Variants in SLC25A17 observed in about 807,000 individuals in gnomAD.
The protein encoded by SLC25A17 is peroxisomal membrane protein PMP34.
SLC25A17 carries 26 observed loss-of-function variants against 38.5 expected under a neutral mutation model. The ratio of observed to expected loss-of-function variants is 0.68; its 90% CI spans 0.50 to 0.94. SLC25A17 has a LOEUF of 0.94. Among genes scored for constraint, SLC25A17 ranks in the 40% least tolerant of loss-of-function variants. The pLI, the probability that SLC25A17 is intolerant of heterozygous loss-of-function variation, is 0.00. For synonymous variants in SLC25A17, 139 were observed against 136.2 expected (o/e 1.02, Z -0.14); for missense variants, 333 against 372.7 (o/e 0.89, Z 0.88).
chr22:40,792,614 T>TA lies in SLC25A17; in HGVS notation c.244dup (p.Tyr82LeufsTer6). On this transcript the variant is annotated frameshift_variant, in exon 4 of 9. Coordinates refer to ENST00000435456, the MANE Select transcript of SLC25A17 (RefSeq NM_006358.4). LOFTEE classifies it high-confidence loss of function. ...TTTGAGGCTATTAAAAGTGTAGAAA[T>TA]AGACAAAATTGGAGCAGCAGAGACT... The TA allele has an allele frequency of 6.2e-7, 1 of 1,614,004 alleles. No homozygotes were observed. The highest frequency in any genetic ancestry group is 8.5e-7 in the Non-Finnish European group (1 of 1,179,968).
rs1345297175 is a variant in SLC25A17, at chr22:40,789,071, GA to G, written c.334+3453del. ...CATCCTATGCTCACCACCATCTTCT[GA>G]CCATCTCTACTTCCAGCACTGGCCC... On this transcript the variant is annotated intron_variant, in intron 4 of 8. Transcript: ENST00000435456. This position sits in a 1 kb window ranked among gnomAD's most constrained non-coding sequence, Gnocchi z 4.5. The G allele has an allele frequency of 7.1e-6, 2 of 280,630 alleles. No homozygotes were observed. The highest frequency in any genetic ancestry group is 1.5e-5 in the Non-Finnish European group (2 of 136,990). 17.4% of individuals were successfully genotyped at this position (280,630 alleles called of 1,614,324 possible). A position where few individuals can be genotyped will look rare whatever the true frequency, so the allele number is the denominator to read the frequency against.
At chr22:40,776,424 G>C in intron 7 of SLC25A17, 1 of 336,142 alleles carries the variant, frequency 3.0e-6, no homozygotes, top group South Asian at 2.5e-5. Flanking sequence ...ATCCCTGCTG[G>C]GGCACCAAAC....
At chr22:40,801,331 T>C (rs1315861743) in intron 1 of SLC25A17, among the ~76,000 whole-genome samples, 1 of 151,884 alleles carries the variant, frequency 6.6e-6, no homozygotes, top group East Asian at 1.9e-4. Flanking sequence ...AGCTTACAAT[T>C]GGTTGTTCAG....
rs1211594339 is a variant in SLC25A17 at position 40,806,838 on chromosome 22, C to T, written c.55-7755G>A. Among the ~76,000 whole-genome samples, 3 of 152,114 alleles carry T rather than the reference C, an allele frequency of 2.0e-5. 1 individual carries two copies. Among genetic ancestry groups the T allele is most frequent in the African/African-American group, 7.2e-5 (3 of 41,434 alleles). On this transcript the variant is annotated intron_variant, in intron 1 of 8. Coordinates refer to ENST00000435456, the MANE Select transcript of SLC25A17 (RefSeq NM_006358.4). ...GTAACCTGTGACTTTTTGCTACCGG[C>T]TTTTCCTTTCTTGTCTTAGAGATGG...
At chr22:40,795,166 ATGCCCCTGTG>A (rs1569407423) in intron 2 of SLC25A17, among the ~76,000 whole-genome samples, 1 of 152,202 alleles carries the variant, frequency 6.6e-6, no homozygotes, top group Non-Finnish European at 1.5e-5. Context: ...GAACTAAATG[ATGCCCCTGTG>A]TGACCATGTG....
intron 1 of SLC25A17, among the ~76,000 whole-genome samples, chr22:40,800,081 C>T (rs527423720): frequency 6.6e-6 from 1 of 152,286 alleles, no homozygotes; most frequent in South Asian, 2.1e-4. Context: ...ATCATATTGT[C>T]TTTGAAATAG....
At chr22:40,797,173 A>G in intron 2 of SLC25A17, 1 of 500,806 alleles carries the variant, frequency 2.0e-6, no homozygotes, top group Non-Finnish European at 3.8e-6. Flanking sequence ...CTTTTTATAT[A>G]TTTTGCCTGT....
chr22:40,810,687 GCA>G (rs2057572630), intron 1 of SLC25A17, among the ~76,000 whole-genome samples: 1 of 152,108 alleles, frequency 6.6e-6, no homozygotes, highest in African/African-American at 2.4e-5. Context: ...AGCAAAGCAT[GCA>G]CATAGTTTAA....
rs559250229 is a variant in SLC25A17 at position 40,808,888 on chromosome 22, TCA to T, written c.55-9807_55-9806del. On this transcript the variant is annotated intron_variant, in intron 1 of 8. Transcript: ENST00000435456. ...ATTTGCCTTTCTCATTCTTATTCTC[TCA>T]CAGTGTGTAGCAAAATTTTCCAAAG... Among the ~76,000 whole-genome samples the T allele has an allele frequency of 2.0e-4, 31 of 152,346 alleles. No homozygotes were observed. In the East Asian group the frequency reaches 5.2e-3, roughly 26 times the overall value.
At chr22:40,788,351 T>TA (rs2057356156) in intron 4 of SLC25A17, among the ~76,000 whole-genome samples, 1 of 152,158 alleles carries the variant, frequency 6.6e-6, no homozygotes, top group African/African-American at 2.4e-5. Flanking sequence ...TTCACAGCTG[T>TA]AGGAAAATGT....
intron 4 of SLC25A17, among the ~76,000 whole-genome samples, chr22:40,782,402 A>T (rs2057303341): frequency 6.6e-6 from 1 of 152,174 alleles, no homozygotes; most frequent in African/African-American, 2.4e-5. Flanking sequence ...GTAACAAATC[A>T]TTTACAAGAA....
intron 1 of SLC25A17, among the ~76,000 whole-genome samples, chr22:40,809,470 T>TAAAA (rs138314): frequency 4.0e-5 from 6 of 148,294 alleles, no homozygotes; most frequent in African/African-American, 7.5e-5. Flanking sequence ...ACAAAAAAAT[T>TAAAA]AAAAAAAAAA....
chr22:40,794,626 AAT>A, intron 2 of SLC25A17, 46 bp from the exon 3 acceptor site: 6 of 1,384,544 alleles, frequency 4.3e-6, no homozygotes, highest in East Asian at 2.5e-5. Flanking sequence ...TTAAAAAAAA[AAT>A]TTTTTTTTTG....
intron 1 of SLC25A17, among the ~76,000 whole-genome samples, chr22:40,800,707 T>C (rs921354472): frequency 2.0e-5 from 3 of 152,018 alleles, no homozygotes; most frequent in Non-Finnish European, 4.4e-5. Context: ...TCATACAGTA[T>C]TTTAATCATG....
Position 40,819,267 on chromosome 22 carries a change from A to G in SLC25A17, c.-19T>C. Reference sequence around the variant, plus strand: ...AAGCCATTGGTGCGGCTCCTCGAAGACCCAGCCACACTTTTCCCACAGATG... The same window carrying G: ...AAGCCATTGGTGCGGCTCCTCGAAGGCCCAGCCACACTTTTCCCACAGATG... On this transcript the variant is annotated 5_prime_UTR_variant, in exon 1 of 9. Transcript: ENST00000435456. 6.2e-7 allele frequency: 1 copy of G among 1,612,546 alleles called. No individual in the cohort carries two copies. Among genetic ancestry groups the G allele is most frequent in the Non-Finnish European group, 8.5e-7 (1 of 1,179,662 alleles).
intron 4 of SLC25A17, among the ~76,000 whole-genome samples, chr22:40,783,000 T>C (rs978462893): frequency 3.3e-5 from 5 of 152,164 alleles, no homozygotes; most frequent in Non-Finnish European, 7.3e-5. Flanking sequence ...TCCTTAGAGA[T>C]GATACAACTC....
Position 40,788,891 on chromosome 22 carries a change from T to G in SLC25A17, c.334+3634A>C. The G allele has an allele frequency of 2.7e-5, 7 of 261,088 alleles. No homozygotes were observed. In the Middle Eastern group the frequency reaches 3.3e-3, roughly 125 times the overall value. 16.2% of individuals were successfully genotyped at this position (261,088 alleles called of 1,614,324 possible). A position where few individuals can be genotyped will look rare whatever the true frequency, so the allele number is the denominator to read the frequency against. ...TAGCTTCCTCAAAAATCACCTTGAATTGCTGAAATAAGTGACTCTCATGAA... is the reference window on the plus strand; with the variant it reads ...TAGCTTCCTCAAAAATCACCTTGAAGTGCTGAAATAAGTGACTCTCATGAA... On this transcript the variant is annotated intron_variant, in intron 4 of 8. Coordinates refer to ENST00000435456, the MANE Select transcript of SLC25A17 (RefSeq NM_006358.4).
chr22:40,790,524 G>C (rs1288502437), intron 4 of SLC25A17, among the ~76,000 whole-genome samples: 1 of 151,806 alleles, frequency 6.6e-6, no homozygotes, highest in South Asian at 2.1e-4. Flanking sequence ...GTGGAAAAAA[G>C]TAAAAAATGA....
At chr22:40,786,621 A>G (rs1365135684) in intron 4 of SLC25A17, among the ~76,000 whole-genome samples, 1 of 152,240 alleles carries the variant, frequency 6.6e-6, no homozygotes, top group Non-Finnish European at 1.5e-5. Context: ...GACAAGAAAA[A>G]AAGTCTACAT....
Sources: gnomAD v4.1 joint callset for allele counts (sites outside exome capture counted in the v4.1 genomes callset) on GRCh38, gnomAD v4.1.1 for gene constraint, Gnocchi (gnomAD v3.1) non-coding constraint, MANE v1.5 for transcripts, NCBI Gene and HGNC (gene_info 2026-07-23, HGNC 2026-07-21) for gene names.